LRIT3: variants seen among roughly 807,000 people sequenced by gnomAD.
The protein encoded by LRIT3 is leucine-rich repeat, immunoglobulin-like domain and transmembrane domain-containing protein 3.
In LRIT3, 14 loss-of-function variants were observed where a neutral mutation model predicts 22.6. The ratio of observed to expected loss-of-function variants is 0.62; its 90% CI spans 0.41 to 0.97. The LOEUF is 0.97. LRIT3 is among the 50% of genes least tolerant of loss of function. The pLI, the probability that LRIT3 is intolerant of heterozygous loss-of-function variation, is 0.00. For missense variants in LRIT3, 783 were observed against 803.0 expected, an observed-to-expected ratio of 0.98 and a Z score of 0.30; for synonymous variants, 306 against 304.5, an observed-to-expected ratio of 1.01 and a Z score of -0.05.
At position 109,851,683 on chromosome 4, in the gene LRIT3, G is replaced by A; in HGVS notation, c.296G>A (p.Ser99Asn). The change falls in exon 2 of 4, where the codon AGC (serine) becomes AAC (asparagine). Residue 99 changes from serine (S) to asparagine (N), a missense_variant. This residue lies in a region of LRIT3 where 756 missense variants were observed against 753.8 expected (regional missense o/e 1.00). Coordinates refer to ENST00000594814, the MANE Select transcript of LRIT3 (RefSeq NM_198506.5). ...AATTCCGTGGCCAGCATTGACCCCA[G>A]CAGCTTTTACAACCTGAAGCAACTG... is the stretch of plus-strand genomic sequence containing the variant. ...TYNSVASIDP[S>N]SFYNLKQLHE... 6.4e-7 allele frequency: 1 copy of A among 1,551,718 alleles called. No individual in the cohort carries two copies. The highest frequency in any genetic ancestry group is 8.7e-7 in the Non-Finnish European group (1 of 1,147,000).
In LRIT3 at chr4:109,850,410, C is replaced by CTTTCTTTCTTTCTTTCTTTCTTTCTTT. The variant is rs1328726520; in HGVS notation, c.117-1094_117-1093insTTTCTTTCTTTCTTTCTTTCTTTCTTT. On this transcript the variant is annotated intron_variant, in intron 1 of 3. Coordinates refer to ENST00000594814, the MANE Select transcript of LRIT3 (RefSeq NM_198506.5). ...TCCTTCCTTCCTTCCTTCCTTCCTT[C>CTTTCTTTCTTTCTTTCTTTCTTTCTTT]CTTCCTTCCTTCCTTTCTTTCTTTC... Among the ~76,000 whole-genome samples the CTTTCTTTCTTTCTTTCTTTCTTTCTTT allele has an allele frequency of 8.8e-4, 5 of 5,696 alleles. 1 individual carries two copies. The highest frequency in any genetic ancestry group is 0.016 in the East Asian group (1 of 64). The allele number at this position is 5,696 out of a possible 152,430, so 3.7% of individuals were successfully genotyped here. A position where few individuals can be genotyped will look rare whatever the true frequency, so the allele number is the denominator to read the frequency against.
intron 2 of LRIT3, among the ~76,000 whole-genome samples, chr4:109,855,172 G>C (rs892157073): frequency 1.3e-5 from 2 of 152,046 alleles, no homozygotes; most frequent in Admixed American, 1.3e-4. Context: ...CTGGTCCTGG[G>C]CTGTTTTTGG....
chr4:109,852,630 G>A (rs565843173), intron 2 of LRIT3, among the ~76,000 whole-genome samples: 8 of 152,022 alleles, frequency 5.3e-5, no homozygotes, highest in Non-Finnish European at 1.2e-4. Flanking sequence ...TACTTTATGT[G>A]CAGAACTTGT....
intron 1 of LRIT3, among the ~76,000 whole-genome samples, chr4:109,850,109 A>G (rs1156503846): frequency 6.6e-6 from 1 of 152,216 alleles, no homozygotes; most frequent in African/African-American, 2.4e-5. Context: ...GTGTGTATAC[A>G]TTATGAGCTG....
intron 2 of LRIT3, among the ~76,000 whole-genome samples, chr4:109,858,412 C>T (rs1276361273): frequency 1.3e-5 from 2 of 152,022 alleles, no homozygotes; most frequent in African/African-American, 2.4e-5. Flanking sequence ...TTAGTTGTTT[C>T]CTGCTGTGGC....
In LRIT3 at chr4:109,870,828, C is replaced by T. The variant is rs746883781; in HGVS notation, c.*39C>T. On this transcript the variant is annotated 3_prime_UTR_variant, in exon 4 of 4. Coordinates refer to ENST00000594814, the MANE Select transcript of LRIT3 (RefSeq NM_198506.5). ...AGGTGCATGTGAGCTACAAAACTAG[C>T]ATCTAAGGGTATAATTGACCCTAGG... 2.0e-6 allele frequency: 3 copies of T among 1,529,436 alleles called. No individual in the cohort carries two copies. Among genetic ancestry groups the T allele is most frequent in the Non-Finnish European group, 2.6e-6 (3 of 1,139,042 alleles). The allele number at this position is 1,529,436 out of a possible 1,614,324, so 94.7% of individuals were successfully genotyped here. A position where few individuals can be genotyped will look rare whatever the true frequency, so the allele number is the denominator to read the frequency against.
intron 2 of LRIT3, among the ~76,000 whole-genome samples, chr4:109,856,505 C>G (rs1466701220): frequency 1.3e-5 from 2 of 152,144 alleles, no homozygotes; most frequent in African/African-American, 4.8e-5. Context: ...AAAACTTCAT[C>G]ACTGGGTAAA....
At chr4:109,854,011 A>G (rs199887135) in intron 2 of LRIT3, among the ~76,000 whole-genome samples, 2 of 140,384 alleles carry the variant, frequency 1.4e-5, no homozygotes, top group South Asian at 2.3e-4. Flanking sequence ...TTTTGAAGTC[A>G]GGTAGCGTGA....
chr4:109,860,381 G>A (rs937009966), intron 2 of LRIT3, among the ~76,000 whole-genome samples: 4 of 152,126 alleles, frequency 2.6e-5, no homozygotes, highest in African/African-American at 9.7e-5. Flanking sequence ...ATCAATCTCT[G>A]TAGATGTGCC....
At position 109,869,957 on chromosome 4, in the gene LRIT3, C is replaced by G; in HGVS notation, c.1208C>G (p.Ser403Cys). 1 of 1,614,088 alleles carries G rather than the reference C, an allele frequency of 6.2e-7. No individual in the cohort carries two copies. Among genetic ancestry groups the G allele is most frequent in the South Asian group, 1.1e-5 (1 of 91,084 alleles). ...PTSSFSASTL[S>C]PPSTASFSLS... ...TCTTCTTTTTCTGCTTCTACTTTGT[C>G]TCCTCCCTCTACTGCTTCCTTCTCT... The change falls in exon 4 of 4, where the codon TCT becomes TGT. Residue 403 changes from serine (S) to cysteine (C), a missense_variant. Around this residue, in one of 2 missense-constraint regions of LRIT3, gnomAD observed 756 missense variants for 753.8 expected, o/e 1.00. Coordinates refer to ENST00000594814, the MANE Select transcript of LRIT3 (RefSeq NM_198506.5).
Position 109,848,226 on chromosome 4 carries a change from A to G in LRIT3, c.25A>G (p.Ile9Val), listed in dbSNP as rs1199679399. Residue 9 changes from isoleucine to valine, a missense_variant, in exon 1 of 4, where the codon ATT (isoleucine) becomes GTT (valine). Transcript: ENST00000594814. ...AATGCATCTCTTTGCATGTCTGTGCATTGTCCTTAGCTTTTTGGAAGGAGT... is the reference window on the plus strand; with the variant it reads ...AATGCATCTCTTTGCATGTCTGTGCGTTGTCCTTAGCTTTTTGGAAGGAGT... MHLFACLC[I>V]VLSFLEGVGC... 2 of 1,231,850 alleles carry G rather than the reference A, an allele frequency of 1.6e-6. No homozygotes were observed. Among genetic ancestry groups the G allele is most frequent in the South Asian group, 4.1e-5 (1 of 24,328 alleles). 76.3% of individuals were successfully genotyped at this position (1,231,850 alleles called of 1,614,324 possible).
At chr4:109,865,013 C>T in intron 2 of LRIT3, 1 of 1,310,972 alleles carries the variant, frequency 7.6e-7, no homozygotes, top group Non-Finnish European at 9.9e-7. Context: ...ATTAGGCATT[C>T]TATCATATTC....
chr4:109,851,472 G>A, intron 1 of LRIT3, 32 bp from the exon 2 acceptor site: 2 of 1,479,254 alleles, frequency 1.4e-6, no homozygotes, highest in Non-Finnish European at 1.8e-6. Flanking sequence ...TGGAAAGTGA[G>A]TTTCCTCACA....
chr4:109,856,989 G>A (rs1435629360), intron 2 of LRIT3, among the ~76,000 whole-genome samples: 8 of 152,052 alleles, frequency 5.3e-5, no homozygotes, highest in Middle Eastern at 3.4e-3. Context: ...TAATAACATC[G>A]ATAGAAGAGG....
chr4:109,856,171 G>A (rs186684783), intron 2 of LRIT3, among the ~76,000 whole-genome samples: 351 of 152,250 alleles, frequency 2.3e-3, no homozygotes, highest in African/African-American at 8.0e-3. Flanking sequence ...CATTCTGGCA[G>A]TCCAACCTGG....
At chr4:109,865,511 A>G (rs1734655730) in intron 2 of LRIT3, among the ~76,000 whole-genome samples, 1 of 152,210 alleles carries the variant, frequency 6.6e-6, no homozygotes, top group Non-Finnish European at 1.5e-5. Flanking sequence ...CTTTCTTAGT[A>G]GACATACAGA....
intron 1 of LRIT3, among the ~76,000 whole-genome samples, chr4:109,850,909 G>A (rs1379741309): frequency 1.3e-5 from 2 of 152,048 alleles, no homozygotes; most frequent in African/African-American, 2.4e-5. Flanking sequence ...TGCAAGTCAC[G>A]TTATTAAAAC....
At chr4:109,848,915 A>G (rs2125896071) in intron 1 of LRIT3, among the ~76,000 whole-genome samples, 1 of 152,366 alleles carries the variant, frequency 6.6e-6, no homozygotes, top group Admixed American at 6.5e-5. Flanking sequence ...AGGTTGCTTT[A>G]GCATCTACTT....
chr4:109,870,141 C>A lies in LRIT3; in HGVS notation c.1392C>A (p.Ala464=), dbSNP rs946883180. 1 of 1,614,164 alleles carries A rather than the reference C, an allele frequency of 6.2e-7. No homozygotes were observed. Among genetic ancestry groups the A allele is most frequent in the Non-Finnish European group, 8.5e-7 (1 of 1,180,016 alleles). The change falls in exon 4 of 4, where the codon GCC becomes GCA. Residue 464 remains alanine (A), a synonymous_variant. Transcript: ENST00000594814. ...VAKNGSKLPP[A]STSKKEELAL... ...AGAATGGAAGTAAGCTTCCTCCAGC[C>A]AGCACAAGTAAGAAAGAAGAGCTGG...
Sources: gnomAD v4.1 joint callset for allele counts (sites outside exome capture counted in the v4.1 genomes callset) on GRCh38, gnomAD v4.1.1 for gene constraint, gnomAD v4.1.1 regional missense constraint, MANE v1.5 for transcripts, NCBI Gene and HGNC (gene_info 2026-07-23, HGNC 2026-07-21) for gene names.